The following SLC6A6 variants were observed in gnomAD, a reference collection of about 807,000 sequenced individuals.
SLC6A6 encodes the protein sodium- and chloride-dependent taurine transporter.
Under a neutral mutation model 68.8 loss-of-function variants are expected in SLC6A6, and 16 were observed. The ratio of observed to expected loss-of-function variants is 0.23; its 90% CI spans 0.16 to 0.35. The LOEUF (loss-of-function observed/expected upper bound fraction) is 0.35. Among genes scored for constraint, SLC6A6 ranks in the 10% least tolerant of loss-of-function variants. The probability of loss-of-function intolerance (pLI) is 1.00; values close to 1 mark genes in which losing one functional copy is unlikely to be tolerated. For synonymous variants in SLC6A6, 312 were observed against 315.4 expected (o/e 0.99, Z 0.12); for missense variants, 474 against 802.8 (o/e 0.59, Z 4.95).
intron 9 of SLC6A6, among the ~76,000 whole-genome samples, chr3:14,469,710 G>A (rs1700708494): frequency 6.6e-6 from 1 of 152,160 alleles, no homozygotes. Context: ...CTTCCAGTGT[G>A]AGAATTTGGC....
intron 2 of SLC6A6, among the ~76,000 whole-genome samples, chr3:14,419,938 C>T (rs368339997): frequency 1.3e-5 from 2 of 152,094 alleles, no homozygotes; most frequent in Admixed American, 1.3e-4. Flanking sequence ...AGATCTCCCA[C>T]GGGGTGTCTG....
At position 14,481,949 on chromosome 3, in the gene SLC6A6, A is replaced by T; in HGVS notation, c.1722+108A>T. On this transcript the variant is annotated intron_variant, in intron 14 of 14. Coordinates refer to ENST00000622186, the MANE Select transcript of SLC6A6 (RefSeq NM_003043.6). The surrounding 1 kb of genome is among the most constrained non-coding windows in gnomAD (Gnocchi z 4.7). ...GCAAGTCACCTGCCCTCTCTGAGCC[A>T]TAGTTCCCTCACCCATCCAGTGGTT... 1.1e-6 allele frequency: 1 copy of T among 883,666 alleles called. No homozygotes were observed. 54.7% of individuals were successfully genotyped at this position (883,666 alleles called of 1,614,324 possible).
intron 1 of SLC6A6, among the ~76,000 whole-genome samples, chr3:14,416,021 G>A (rs1314429328): frequency 6.6e-6 from 1 of 152,186 alleles, no homozygotes; most frequent in Non-Finnish European, 1.5e-5. Flanking sequence ...CAAGGGCAAT[G>A]TGATGGTTCT....
chr3:14,436,202 A>AT (rs1699847184), intron 2 of SLC6A6, among the ~76,000 whole-genome samples: 3 of 152,182 alleles, frequency 2.0e-5, no homozygotes, highest in African/African-American at 7.2e-5. Context: ...TATTATTATT[A>AT]TTTTTTCATC....
intron 14 of SLC6A6, among the ~76,000 whole-genome samples, chr3:14,482,971 G>A (rs1701042388): frequency 6.6e-6 from 1 of 152,074 alleles, no homozygotes; most frequent in East Asian, 1.9e-4. Flanking sequence ...TGTCCTTACT[G>A]TCCAGAAGCC....
In SLC6A6 at chr3:14,418,823, C is replaced by A. The variant is rs147034437; in HGVS notation, c.-12+2370C>A. On this transcript the variant is annotated intron_variant, in intron 2 of 14. Coordinates refer to ENST00000622186, the MANE Select transcript of SLC6A6 (RefSeq NM_003043.6). ...TATTGTACAGATCAGAAAACTGAGGCTTGGAGAGATGAATTGATTGTTTCC... is the reference window on the plus strand; with the variant it reads ...TATTGTACAGATCAGAAAACTGAGGATTGGAGAGATGAATTGATTGTTTCC... 9.2e-3 allele frequency among the ~76,000 whole-genome samples: 1,400 copies of A among 152,292 alleles called. 24 individuals are homozygous for A. Among genetic ancestry groups the A allele is most frequent in the African/African-American group, 0.032 (1,322 of 41,560 alleles).
In SLC6A6 at chr3:14,437,150, A is replaced by G. The variant is rs79223535; in HGVS notation, c.-11-6474A>G. The stretch of plus-strand genomic sequence containing the variant: ...GCACCCACTGAGGGGATTAGCTAAG[A>G]AAATGAAAATGTGCTTGTAGTCAGT... On this transcript the variant is annotated intron_variant, in intron 2 of 14. Transcript: ENST00000622186. Among the ~76,000 whole-genome samples the G allele has an allele frequency of 7.8e-3, 1,194 of 152,344 alleles. 22 individuals are homozygous for G. The highest frequency in any genetic ancestry group is 0.027 in the African/African-American group (1,125 of 41,578).
chr3:14,420,684 A>G (rs1464374889), intron 2 of SLC6A6, among the ~76,000 whole-genome samples: 1 of 151,886 alleles, frequency 6.6e-6, no homozygotes, highest in Non-Finnish European at 1.5e-5. Context: ...GGGTCTCACT[A>G]TGTTGCCCAG....
At chr3:14,449,361 C>T (rs966190153) in intron 5 of SLC6A6, among the ~76,000 whole-genome samples, 7 of 152,246 alleles carry the variant, frequency 4.6e-5, no homozygotes, top group East Asian at 3.8e-4. Context: ...CTCGGTTCCC[C>T]GCTCCCTGGG....
chr3:14,415,255 C>T (rs555038937), intron 1 of SLC6A6, among the ~76,000 whole-genome samples: 1 of 152,340 alleles, frequency 6.6e-6, no homozygotes, highest in African/African-American at 2.4e-5. Flanking sequence ...GTGCCTTGTA[C>T]CCAGTGGGTG....
In SLC6A6 at chr3:14,446,640, A is replaced by G. The variant is rs531999800; in HGVS notation, c.364+789A>G. On this transcript the variant is annotated intron_variant, in intron 4 of 14. Transcript: ENST00000622186. ...TCAGGAGGCTTTCTGTCTGGGTTCAAGTCTCATTAACTCCCCTTGATAGTT... is the reference window on the plus strand; with the variant it reads ...TCAGGAGGCTTTCTGTCTGGGTTCAGGTCTCATTAACTCCCCTTGATAGTT... Among the ~76,000 whole-genome samples, 3 of 152,344 alleles carry G rather than the reference A, an allele frequency of 2.0e-5. No homozygotes were observed. The East Asian group carries it at 5.8e-4, about 29-fold the overall frequency.
At chr3:14,466,726 G>A in intron 7 of SLC6A6, 76 bp downstream of exon 7, 2 of 1,357,432 alleles carry the variant, frequency 1.5e-6, no homozygotes, top group East Asian at 2.4e-5. Context: ...AGGATGTAGA[G>A]GCCACTGGCA....
intron 13 of SLC6A6, 123 bp downstream of exon 13, chr3:14,479,308 A>G (rs1371897726): frequency 4.4e-6 from 3 of 682,136 alleles, no homozygotes; most frequent in Non-Finnish European, 8.0e-6. Flanking sequence ...ACCCAGCTTC[A>G]GCGCTGCCTG....
At chr3:14,436,495 C>T (rs1195375749) in intron 2 of SLC6A6, among the ~76,000 whole-genome samples, 4 of 128,416 alleles carry the variant, frequency 3.1e-5, no homozygotes, top group African/African-American at 1.2e-4. Flanking sequence ...TGAGCCACCA[C>T]GCCCACCCAG....
intron 3 of SLC6A6, 94 bp from the exon 4 acceptor site, chr3:14,445,623 C>T (rs1444958586): frequency 4.3e-6 from 6 of 1,410,236 alleles, no homozygotes; most frequent in Non-Finnish European, 6.0e-6. Flanking sequence ...CTCATGCATT[C>T]TCTCTGGTTC....
intron 5 of SLC6A6, among the ~76,000 whole-genome samples, chr3:14,452,116 T>G (rs1301123617): frequency 2.0e-5 from 3 of 152,300 alleles, no homozygotes; most frequent in Non-Finnish European, 2.9e-5. Flanking sequence ...AAGGTCCCTG[T>G]TGACCCTCCC....
intron 14 of SLC6A6, 86 bp from the exon 15 acceptor site, chr3:14,484,781 C>G: frequency 7.1e-7 from 1 of 1,408,926 alleles, no homozygotes; most frequent in Admixed American, 1.8e-5. Context: ...GCACATGAGC[C>G]AATTCAGGAG....
chr3:14,408,380 G>C (rs1699157817), intron 1 of SLC6A6, among the ~76,000 whole-genome samples: 1 of 151,548 alleles, frequency 6.6e-6, no homozygotes, highest in Non-Finnish European at 1.5e-5. Flanking sequence ...TGTCACCCAG[G>C]CTGGAGTGCA....
chr3:14,466,769 C>A, intron 7 of SLC6A6, 119 bp downstream of exon 7: 1 of 924,616 alleles, frequency 1.1e-6, no homozygotes, highest in Non-Finnish European at 1.5e-6. Context: ...GTGCACAGGT[C>A]TAGCTGGGCC....
Sources: allele counts gnomAD v4.1 joint callset (sites outside exome capture counted in the v4.1 genomes callset), GRCh38; gene constraint gnomAD v4.1.1; non-coding constraint Gnocchi (gnomAD v3.1); transcripts MANE v1.5; gene names NCBI Gene and HGNC (gene_info 2026-07-23, HGNC 2026-07-21).